Variants in RAB5B observed in about 807,000 individuals in gnomAD.
RAB5B encodes ras-related protein Rab-5B.
A neutral mutation model predicts 28.6 loss-of-function variants in RAB5B; 11 were observed. That is an observed-to-expected ratio of 0.38 (90% CI 0.24 to 0.64). The LOEUF (loss-of-function observed/expected upper bound fraction) is 0.64. RAB5B is among the 30% of genes least tolerant of loss of function. The pLI is 0.53. For synonymous variants in RAB5B, 93 were observed against 97.9 expected (o/e 0.95, Z 0.29); for missense variants, 169 against 265.6 (o/e 0.64, Z 2.53).
intron 1 of RAB5B, among the ~76,000 whole-genome samples, chr12:55,982,400 A>C (rs574350939): frequency 6.6e-6 from 1 of 152,190 alleles, no homozygotes; most frequent in Non-Finnish European, 1.5e-5. Flanking sequence ...ACATGATAAG[A>C]TTAAAGATCA....
In RAB5B at chr12:55,992,794, G is replaced by A. The variant is rs1031648418; in HGVS notation, c.*582G>A. ...AGTTTCTCATATTTGAAAACATTGC[G>A]GTATCCATGATTTGGCCTTGTGGAG... On this transcript the variant is annotated 3_prime_UTR_variant, in exon 6 of 6. Coordinates refer to ENST00000360299, the MANE Select transcript of RAB5B (RefSeq NM_002868.4). 8.1e-5 allele frequency: 24 copies of A among 294,898 alleles called. 1 individual carries two copies. The highest frequency in any genetic ancestry group is 4.2e-4 in the African/African-American group (18 of 42,546). The allele number at this position is 294,898 out of a possible 1,614,324, so 18.3% of individuals were successfully genotyped here.
chr12:55,980,674 C>G, intron 1 of RAB5B: 1 of 1,592,620 alleles, frequency 6.3e-7, no homozygotes, highest in Non-Finnish European at 8.6e-7. Flanking sequence ...CACATTTGTT[C>G]CCTAGCAAGA....
rs185729836 is a variant in RAB5B at position 55,992,790 on chromosome 12, T to C, written c.*578T>C. 1.8e-4 allele frequency: 55 copies of C among 297,578 alleles called. No individual in the cohort carries two copies. The highest frequency in any genetic ancestry group is 8.3e-4 in the Admixed American group (15 of 17,978). The allele number at this position is 297,578 out of a possible 1,614,324, so 18.4% of individuals were successfully genotyped here. A position where few individuals can be genotyped will look rare whatever the true frequency, so the allele number is the denominator to read the frequency against. ...TTGGAGTTTCTCATATTTGAAAACA[T>C]TGCGGTATCCATGATTTGGCCTTGT... On this transcript the variant is annotated 3_prime_UTR_variant, in exon 6 of 6. Coordinates refer to ENST00000360299, the MANE Select transcript of RAB5B (RefSeq NM_002868.4).
chr12:55,990,618 T>C, intron 3 of RAB5B, 64 bp from the exon 4 acceptor site: 4 of 1,591,592 alleles, frequency 2.5e-6, no homozygotes, highest in Non-Finnish European at 3.4e-6. Context: ...AGACTCATTT[T>C]AAAAGGTGAT....
At chr12:55,980,823 T>C in intron 1 of RAB5B, 1 of 1,592,436 alleles carries the variant, frequency 6.3e-7, no homozygotes, top group Non-Finnish European at 8.6e-7. Context: ...GTTATTGTCT[T>C]GAACCGCTCT....
chr12:55,980,975 C>T, intron 1 of RAB5B: 1 of 1,613,766 alleles, frequency 6.2e-7, no homozygotes, highest in Non-Finnish European at 8.5e-7. Flanking sequence ...ACAAGTCTTG[C>T]CCACCCCCGA....
intron 1 of RAB5B, among the ~76,000 whole-genome samples, chr12:55,981,659 T>A (rs1889811874): frequency 6.6e-6 from 1 of 152,068 alleles, no homozygotes; most frequent in Admixed American, 6.6e-5. Flanking sequence ...CTGTTATGCC[T>A]ACTTTGCTGC....
chr12:55,996,003 A>ATATATTTTT lies in RAB5B; in HGVS notation c.*3792_*3793insATATTTTTT. ...TATATACATATATATATATATATAT[A>ATATATTTTT]TTTTTTTTTTAACAACTGGTAGGAT... On this transcript the variant is annotated 3_prime_UTR_variant, in exon 6 of 6. Transcript: ENST00000360299. 1.1e-3 allele frequency: 107 copies of ATATATTTTT among 97,390 alleles called. 5 individuals are homozygous for ATATATTTTT. Among genetic ancestry groups the ATATATTTTT allele is most frequent in the East Asian group, 4.4e-3 (19 of 4,342 alleles). 6.0% of individuals were successfully genotyped at this position (97,390 alleles called of 1,614,324 possible). A position where few individuals can be genotyped will look rare whatever the true frequency, so the allele number is the denominator to read the frequency against.
intron 1 of RAB5B, chr12:55,985,457 T>A: frequency 1.3e-5 from 3 of 232,136 alleles, no homozygotes; most frequent in Non-Finnish European, 1.8e-5. Context: ...GGGAGAGAGG[T>A]TTTTGCATGC....
chr12:55,991,258 G>A, intron 4 of RAB5B, 102 bp from the exon 5 acceptor site: 1 of 816,698 alleles, frequency 1.2e-6, no homozygotes, highest in Non-Finnish European at 2.1e-6. Flanking sequence ...TTAAGGGGAG[G>A]GAACCTAGGA....
intron 1 of RAB5B, among the ~76,000 whole-genome samples, chr12:55,979,104 CG>C (rs1315178215): frequency 6.6e-6 from 1 of 151,976 alleles, no homozygotes; most frequent in African/African-American, 2.4e-5. Context: ...TGGGACCCTA[CG>C]GGCCTCTAGA....
chr12:55,983,101 C>T (rs11171714), intron 1 of RAB5B, among the ~76,000 whole-genome samples: 11,394 of 151,550 alleles, frequency 0.075, 477 homozygotes, highest in Non-Finnish European at 0.081. Context: ...TTTTGAGAGA[C>T]GGAGTCTTGC....
chr12:55,975,790 C>CTTTTTTT (rs1163535431), intron 1 of RAB5B, among the ~76,000 whole-genome samples: 14 of 115,156 alleles, frequency 1.2e-4, no homozygotes, highest in South Asian at 3.4e-4. Flanking sequence ...CACTACATTT[C>CTTTTTTT]TTTTTTTTTT....
chr12:55,991,890 G>T (rs544367403), intron 5 of RAB5B: 2 of 517,208 alleles, frequency 3.9e-6, no homozygotes, highest in Admixed American at 3.3e-5. Context: ...TTGTGCCACT[G>T]CACTCCATCC....
At chr12:55,981,118 C>T (rs1592796146) in intron 1 of RAB5B, 1 of 1,228,838 alleles carries the variant, frequency 8.1e-7, no homozygotes, top group Non-Finnish European at 1.2e-6. Flanking sequence ...GGCTGGAGTG[C>T]AGTCGTGTGA....
intron 3 of RAB5B, 97 bp from the exon 4 acceptor site, chr12:55,990,585 C>T: frequency 1.4e-6 from 2 of 1,466,668 alleles, no homozygotes; most frequent in Non-Finnish European, 1.9e-6. Flanking sequence ...TGAGGGAAGA[C>T]CACCTAGAAG....
At chr12:55,983,782 G>A (rs1889875111) in intron 1 of RAB5B, among the ~76,000 whole-genome samples, 2 of 151,040 alleles carry the variant, frequency 1.3e-5, no homozygotes, top group African/African-American at 4.9e-5. Flanking sequence ...CACAGCCTCT[G>A]GAGTAGCTGG....
At chr12:55,985,540 A>G (rs1237072916) in intron 1 of RAB5B, 2 of 307,620 alleles carry the variant, frequency 6.5e-6, no homozygotes, top group Non-Finnish European at 1.3e-5. Flanking sequence ...AAATGTATTC[A>G]GATTTAGACG....
chr12:55,975,500 GC>G (rs1889620150), intron 1 of RAB5B, among the ~76,000 whole-genome samples: 1 of 152,036 alleles, frequency 6.6e-6, no homozygotes, highest in Non-Finnish European at 1.5e-5. Context: ...TGTAATCCCA[GC>G]ACTTTGGGAG....
Sources: allele counts gnomAD v4.1 joint callset (sites outside exome capture counted in the v4.1 genomes callset), GRCh38; gene constraint gnomAD v4.1.1; transcripts MANE v1.5; gene names NCBI Gene and HGNC (gene_info 2026-07-23, HGNC 2026-07-21).